The following TSNARE1 variants were observed in gnomAD, a reference collection of about 807,000 sequenced individuals.
TSNARE1 encodes the protein t-SNARE domain containing 1.
A neutral mutation model predicts 62.0 loss-of-function variants in TSNARE1; 49 were observed. The ratio of observed to expected loss-of-function variants is 0.79; its 90% confidence interval spans 0.63 to 1.00. The LOEUF (loss-of-function observed/expected upper bound fraction) is 1.00. TSNARE1 is among the 50% of genes least tolerant of loss of function. The pLI, the probability that TSNARE1 is intolerant of heterozygous loss-of-function variation, is 0.00. For missense variants in TSNARE1, 755 were observed against 700.1 expected (o/e 1.08, Z -0.88); for synonymous variants, 328 against 294.4 (o/e 1.11, Z -1.17).
chr8:142,361,458 A>C (rs906728078), intron 1 of TSNARE1, among the ~76,000 whole-genome samples: 6 of 152,168 alleles, frequency 3.9e-5, no homozygotes, highest in Non-Finnish European at 8.8e-5. Context: ...CAATGGCAAG[A>C]AGCGGCGCTG....
intron 11 of TSNARE1, chr8:142,278,858 G>T: frequency 1.1e-6 from 1 of 936,604 alleles, no homozygotes; most frequent in Non-Finnish European, 1.3e-6. Context: ...GCCAGAGTGA[G>T]GCACAGCGTG....
intron 12 of TSNARE1, chr8:142,273,665 C>G (rs1234965574): frequency 1.0e-6 from 1 of 985,434 alleles, no homozygotes; most frequent in Non-Finnish European, 1.2e-6. Flanking sequence ...GAGGCCCAAA[C>G]TGGGATCAGC....
chr8:142,343,804 G>GGAGGAGGGGA (rs1586922004), intron 4 of TSNARE1, among the ~76,000 whole-genome samples, 162 bp downstream of exon 4: 4 of 71,106 alleles, frequency 5.6e-5, no homozygotes, highest in Non-Finnish European at 9.8e-5. Flanking sequence ...AGGGGGAGGA[G>GGAGGAGGGGA]GAGGAGGAGG....
intron 7 of TSNARE1, among the ~76,000 whole-genome samples, chr8:142,317,287 CGTG>C (rs1445674620): frequency 0.049 from 7,205 of 145,966 alleles, 370 homozygotes; most frequent in African/African-American, 0.057. Flanking sequence ...ACACTGTACG[CGTG>C]AAGCGGGTAT....
chr8:142,256,190 T>TGAC (rs1818528383), intron 12 of TSNARE1, among the ~76,000 whole-genome samples: 2 of 50,596 alleles, frequency 4.0e-5, no homozygotes, highest in African/African-American at 8.9e-5. Flanking sequence ...ACCACCACCA[T>TGAC]CATCACCACC....
At chr8:142,309,120 T>G (rs919571349) in intron 9 of TSNARE1, among the ~76,000 whole-genome samples, 1 of 152,246 alleles carries the variant, frequency 6.6e-6, no homozygotes, top group African/African-American at 2.4e-5. Flanking sequence ...ATACACAATG[T>G]CTTCTTGTCT....
rs1160264103 is a variant in TSNARE1 at position 142,273,976 on chromosome 8, C to T, written c.1446+805G>A. The T allele has an allele frequency of 3.0e-6, 3 of 985,096 alleles. No homozygotes were observed. The African/African-American group carries it at 5.2e-5, about 17-fold the overall frequency. 61.0% of individuals were successfully genotyped at this position (985,096 alleles called of 1,614,324 possible). On this transcript the variant is annotated intron_variant, in intron 12 of 13. Coordinates refer to ENST00000524325, the MANE Select transcript of TSNARE1 (RefSeq NM_145003.5). ...ACACCCACTGCACCATCTCGTCTGC[C>T]AATACTGCCCCTGCTCCGCCCTCAA...
At position 142,217,378 on chromosome 8, in the gene TSNARE1, G is replaced by GAA. The variant is rs1563750490; in HGVS notation, c.*12-5066_*12-5065insTT. Among the ~76,000 whole-genome samples the GAA allele has an allele frequency of 2.0e-3, 275 of 139,260 alleles. 8 individuals carry two copies. The highest frequency in any genetic ancestry group is 7.1e-3 in the African/African-American group (247 of 34,722). The allele number at this position is 139,260 out of a possible 152,430, so 91.4% of individuals were successfully genotyped here. ...AAGAAAGAAAGAAAGAAAGAAAAAA[G>GAA]GGAAAGAAAGAAAAAGCAAGCAAGC... On this transcript the variant is annotated intron_variant, in intron 13 of 13. Transcript: ENST00000524325.
intron 11 of TSNARE1, chr8:142,276,697 C>T (rs1377800650): frequency 1.0e-6 from 1 of 985,330 alleles, no homozygotes; most frequent in Non-Finnish European, 1.2e-6. Flanking sequence ...CAATCCTGCT[C>T]TACACCTAGC....
At chr8:142,378,299 T>C (rs1836488784) in intron 1 of TSNARE1, among the ~76,000 whole-genome samples, 2 of 152,306 alleles carry the variant, frequency 1.3e-5, no homozygotes, top group Admixed American at 6.5e-5. Context: ...TGCTGTGTGA[T>C]ACCATTTACA....
chr8:142,271,115 A>T lies in TSNARE1; in HGVS notation c.1446+3666T>A, dbSNP rs572307761. ...TATCTCCTCCTCCACCTTCAAGATCATCCCTGAGAAGACCTCGAGCCCCGA... is the reference window on the plus strand; with the variant it reads ...TATCTCCTCCTCCACCTTCAAGATCTTCCCTGAGAAGACCTCGAGCCCCGA... On this transcript the variant is annotated intron_variant, in intron 12 of 13. Transcript: ENST00000524325. 7.0e-5 allele frequency: 69 copies of T among 985,968 alleles called. No individual in the cohort carries two copies. In the African/African-American group the frequency reaches 1.1e-3, roughly 16 times the overall value. The allele number at this position is 985,968 out of a possible 1,614,324, so 61.1% of individuals were successfully genotyped here.
chr8:142,246,778 T>C (rs1269303521), intron 12 of TSNARE1, among the ~76,000 whole-genome samples: 3 of 152,230 alleles, frequency 2.0e-5, no homozygotes. Context: ...AAACGCCTGC[T>C]GTGCCTCTGC....
chr8:142,270,728 T>A, intron 12 of TSNARE1: 1 of 985,352 alleles, frequency 1.0e-6, no homozygotes, highest in Non-Finnish European at 1.2e-6. Context: ...GGCCCCTCAG[T>A]GCATCTTCCC....
intron 10 of TSNARE1, among the ~76,000 whole-genome samples, chr8:142,290,880 G>A (rs1249764375): frequency 6.6e-6 from 1 of 152,236 alleles, no homozygotes; most frequent in Non-Finnish European, 1.5e-5. Flanking sequence ...TGGGTCAGGT[G>A]ATGCCCACTC....
chr8:142,365,988 T>C, intron 1 of TSNARE1: 1 of 420,556 alleles, frequency 2.4e-6, no homozygotes, highest in South Asian at 1.7e-5. Flanking sequence ...GGCTGAACAT[T>C]TCCAATGTGC....
intron 11 of TSNARE1, among the ~76,000 whole-genome samples, chr8:142,282,909 G>A (rs1411652569): frequency 7.5e-5 from 11 of 147,294 alleles, no homozygotes; most frequent in Non-Finnish European, 1.6e-4. Context: ...CGGGGCCAGT[G>A]TCTGTCAATG....
intron 1 of TSNARE1, among the ~76,000 whole-genome samples, chr8:142,376,851 T>C (rs1012553614): frequency 9.2e-5 from 14 of 152,172 alleles, no homozygotes; most frequent in Non-Finnish European, 4.4e-5. Flanking sequence ...GGCCAGCCCT[T>C]CCTTGCCCTT....
Position 142,276,201 on chromosome 8 carries a change from G to A in TSNARE1, c.1364-1338C>T, listed in dbSNP as rs943351333. On this transcript the variant is annotated intron_variant, in intron 11 of 13. Coordinates refer to ENST00000524325, the MANE Select transcript of TSNARE1 (RefSeq NM_145003.5). Reference sequence around the variant, plus strand: ...ACAAGGAGCCAAAGCCCAGAGAGCGGGTATGGGTGACGGCCTCGGCCGCTC... The same window carrying A: ...ACAAGGAGCCAAAGCCCAGAGAGCGAGTATGGGTGACGGCCTCGGCCGCTC... The A allele has an allele frequency of 4.2e-5, 41 of 985,488 alleles. No homozygotes were observed. The African/African-American group carries it at 7.0e-4, about 17-fold the overall frequency. 61.0% of individuals were successfully genotyped at this position (985,488 alleles called of 1,614,324 possible).
At chr8:142,398,999 G>A (rs1838100055) in intron 1 of TSNARE1, among the ~76,000 whole-genome samples, 1 of 152,242 alleles carries the variant, frequency 6.6e-6, no homozygotes, top group Admixed American at 6.5e-5. Flanking sequence ...AGGCAGGACA[G>A]CCACAGCTGG....
Sources: gnomAD v4.1 joint callset for allele counts (sites outside exome capture counted in the v4.1 genomes callset) on GRCh38, gnomAD v4.1.1 for gene constraint, MANE v1.5 for transcripts, NCBI Gene and HGNC (gene_info 2026-07-23, HGNC 2026-07-21) for gene names.